KCNH7: variants seen among roughly 807,000 people sequenced by gnomAD.
KCNH7 encodes the protein potassium voltage-gated channel subfamily H member 7, also known as voltage-gated inwardly rectifying potassium channel KCNH7.
Under a neutral mutation model 120.8 loss-of-function variants are expected in KCNH7, and 49 were observed. That is an observed-to-expected ratio of 0.41 (90% CI 0.32 to 0.51). The LOEUF is 0.51. Ranked by LOEUF, KCNH7 falls within the 20% of genes least tolerant of loss-of-function variation. KCNH7 has a pLI of 0.38. For missense variants in KCNH7, 1,097 were observed against 1,446.6 expected, an observed-to-expected ratio of 0.76 and a Z score of 3.92; for synonymous variants, 547 against 516.1, an observed-to-expected ratio of 1.06 and a Z score of -0.81.
chr2:162,817,954 A>G (rs1218746550), intron 2 of KCNH7, among the ~76,000 whole-genome samples: 1 of 152,122 alleles, frequency 6.6e-6, no homozygotes, highest in African/African-American at 2.4e-5. Flanking sequence ...ATATATATGT[A>G]CATACCTGTA....
intron 2 of KCNH7, among the ~76,000 whole-genome samples, chr2:162,704,645 AC>A (rs1017111036): frequency 2.6e-5 from 4 of 152,172 alleles, no homozygotes; most frequent in African/African-American, 9.6e-5. Flanking sequence ...TACAAAAAGA[AC>A]CCTACTGGGC....
chr2:162,665,756 C>T (rs1685111186), intron 2 of KCNH7, among the ~76,000 whole-genome samples: 1 of 152,058 alleles, frequency 6.6e-6, no homozygotes, highest in South Asian at 2.1e-4. Context: ...TACATGGATC[C>T]TATGCCCTGA....
chr2:162,375,910 A>T (rs1295494157), intron 14 of KCNH7, among the ~76,000 whole-genome samples: 6 of 151,742 alleles, frequency 4.0e-5, no homozygotes, highest in Admixed American at 3.9e-4. Context: ...AAAAAAAAAA[A>T]AGAAAAAAAA....
intron 2 of KCNH7, among the ~76,000 whole-genome samples, chr2:162,563,002 A>C (rs573170040): frequency 6.6e-6 from 1 of 152,148 alleles, no homozygotes; most frequent in South Asian, 2.1e-4. Context: ...TCTTCAAACC[A>C]TCTCTTAGCT....
At chr2:162,710,562 A>G (rs909850897) in intron 2 of KCNH7, among the ~76,000 whole-genome samples, 1 of 152,188 alleles carries the variant, frequency 6.6e-6, no homozygotes, top group Non-Finnish European at 1.5e-5. Context: ...AGGAGAAGAC[A>G]CATTCTAATT....
At chr2:162,479,954 C>A (rs1023539631) in intron 6 of KCNH7, among the ~76,000 whole-genome samples, 2 of 152,012 alleles carry the variant, frequency 1.3e-5, no homozygotes, top group African/African-American at 4.8e-5. Context: ...TCTTAGATTT[C>A]ATTTGAAGGT....
chr2:162,444,611 T>G (rs1558948517), intron 7 of KCNH7, among the ~76,000 whole-genome samples: 1 of 152,156 alleles, frequency 6.6e-6, no homozygotes, highest in Admixed American at 6.6e-5. Context: ...TTCTTACAAC[T>G]TCTCCCATTA....
intron 2 of KCNH7, among the ~76,000 whole-genome samples, chr2:162,650,579 G>A (rs908324321): frequency 1.3e-5 from 2 of 152,124 alleles, no homozygotes; most frequent in Non-Finnish European, 2.9e-5. Flanking sequence ...AGGTTCAAAT[G>A]TCACCTCTTC....
chr2:162,461,037 A>G (rs1263684586), intron 6 of KCNH7, among the ~76,000 whole-genome samples: 1 of 152,218 alleles, frequency 6.6e-6, no homozygotes, highest in African/African-American at 2.4e-5. Context: ...CTTGTGGCAA[A>G]TGGAGAATAG....
Position 162,384,845 on chromosome 2 carries a change from T to G in KCNH7, c.2805A>C (p.Ser935=). The G allele has an allele frequency of 6.2e-7, 1 of 1,612,848 alleles. No individual in the cohort carries two copies. Among genetic ancestry groups the G allele is most frequent in the South Asian group, 1.1e-5 (1 of 91,062 alleles). The change falls in exon 13 of 16, where the codon TCA becomes TCC. Residue 935 remains serine, a synonymous_variant. Transcript: ENST00000332142. ...RHFEEKKSRS[S]SFISSIDDEQ... ...CATCATCAATGGAGGAGATGAAAGA[T>G]GAGGATCTGCTTTTTTTCTCTTCAA...
chr2:162,698,821 G>A (rs1686389925), intron 2 of KCNH7, among the ~76,000 whole-genome samples: 1 of 151,984 alleles, frequency 6.6e-6, no homozygotes, highest in East Asian at 1.9e-4. Context: ...TACCCCCTAT[G>A]TTATAATTAC....
At chr2:162,777,793 TAAGA>T (rs1683303022) in intron 2 of KCNH7, among the ~76,000 whole-genome samples, 1 of 152,118 alleles carries the variant, frequency 6.6e-6, no homozygotes, top group Non-Finnish European at 1.5e-5. Flanking sequence ...GACTATGCCA[TAAGA>T]AAGAGAATAC....
intron 2 of KCNH7, among the ~76,000 whole-genome samples, chr2:162,729,907 G>A (rs187581544): frequency 6.9e-4 from 105 of 152,070 alleles, no homozygotes; most frequent in African/African-American, 2.4e-3. Flanking sequence ...CTCCTGAGAT[G>A]ATCATATGGT....
Position 162,379,886 on chromosome 2 carries a change from T to C in KCNH7, c.3098A>G (p.Gln1033Arg), listed in dbSNP as rs756460697. 2.5e-6 allele frequency: 4 copies of C among 1,614,024 alleles called. No homozygotes were observed. The highest frequency in any genetic ancestry group is 3.4e-6 in the Non-Finnish European group (4 of 1,179,924). The change falls in exon 14 of 16, where the codon CAA becomes CGA. Residue 1033 changes from glutamine to arginine, a missense_variant. By Grantham distance (43) the Gln-to-Arg change is conservative. This residue lies in a region of KCNH7 where 406 missense variants were observed against 410.5 expected (regional missense o/e 0.99). Coordinates refer to ENST00000332142, the MANE Select transcript of KCNH7 (RefSeq NM_033272.4). ...TTGCTCCTGGAGCAGATCTAATCTT[T>C]GTTCCACTTCCCCGTAGGTGAGGTC... The part of the protein sequence containing the change: ...ESDLTYGEVE[Q>R]RLDLLQEQLN...
chr2:162,529,654 A>T (rs1691846683), intron 3 of KCNH7, among the ~76,000 whole-genome samples: 1 of 151,968 alleles, frequency 6.6e-6, no homozygotes, highest in South Asian at 2.1e-4. Flanking sequence ...AAGAATGCAT[A>T]ATTTGTTTCT....
chr2:162,659,612 G>C (rs1684888214), intron 2 of KCNH7, among the ~76,000 whole-genome samples: 1 of 152,076 alleles, frequency 6.6e-6, no homozygotes, highest in African/African-American at 2.4e-5. Context: ...CAAAGTGCTG[G>C]GATTACAGGC....
intron 2 of KCNH7, among the ~76,000 whole-genome samples, chr2:162,722,805 C>CTTTTTTCTTTTTTTTTTTTTTTTTTTT (rs1559100199): frequency 1.3e-5 from 1 of 79,876 alleles, no homozygotes; most frequent in African/African-American, 7.6e-5. Flanking sequence ...TTCATTCATT[C>CTTTTTTCTTTTTTTTTTTTTTTTTTTT]TTTTTTTCTT....
intron 2 of KCNH7, among the ~76,000 whole-genome samples, chr2:162,616,485 G>T (rs945737631): frequency 1.3e-5 from 2 of 152,208 alleles, no homozygotes; most frequent in African/African-American, 2.4e-5. Flanking sequence ...CTTTGGCCAA[G>T]TATCACTTTT....
intron 2 of KCNH7, among the ~76,000 whole-genome samples, chr2:162,583,218 G>A (rs1442316593): frequency 2.0e-5 from 3 of 152,046 alleles, no homozygotes; most frequent in East Asian, 1.9e-4. Context: ...CTTCAGGTAG[G>A]TGAGCAGATG....
Sources: gnomAD v4.1 joint callset for allele counts (sites outside exome capture counted in the v4.1 genomes callset) on GRCh38, gnomAD v4.1.1 for gene constraint, gnomAD v4.1.1 regional missense constraint, MANE v1.5 for transcripts, NCBI Gene and HGNC (gene_info 2026-07-23, HGNC 2026-07-21) for gene names.